Variants in ATP8A1 observed in about 807,000 individuals in gnomAD.
ATP8A1 encodes the protein phospholipid-transporting ATPase IA.
ATP8A1 carries 90 observed loss-of-function variants against 177.7 expected under a neutral mutation model. That is an observed-to-expected ratio of 0.51 (90% confidence interval 0.43 to 0.60). The LOEUF (loss-of-function observed/expected upper bound fraction) is 0.60, where lower values mean the gene tolerates loss of function less well. ATP8A1 is among the 20% of genes least tolerant of loss of function. The pLI, the probability that ATP8A1 is intolerant of heterozygous loss-of-function variation, is 0.00. For missense variants in ATP8A1, 1,072 were observed against 1,392.8 expected (o/e 0.77, Z 3.67); for synonymous variants, 493 against 485.9 (o/e 1.01, Z -0.19).
chr4:42,442,388 C>T (rs1325892189), intron 33 of ATP8A1, among the ~76,000 whole-genome samples: 2 of 152,042 alleles, frequency 1.3e-5, no homozygotes, highest in Non-Finnish European at 2.9e-5. Context: ...TTTTTTCCTT[C>T]AGTTGTATTC....
At chr4:42,482,556 G>C (rs1721800895) in intron 25 of ATP8A1, among the ~76,000 whole-genome samples, 1 of 152,178 alleles carries the variant, frequency 6.6e-6, no homozygotes. Flanking sequence ...TGGTGAGAGA[G>C]ACATAATGTC....
intron 20 of ATP8A1, among the ~76,000 whole-genome samples, chr4:42,531,233 A>T (rs1392556639): frequency 6.6e-6 from 1 of 152,224 alleles, no homozygotes; most frequent in Non-Finnish European, 1.5e-5. Context: ...ACAACAGCCC[A>T]ATCCAGGCAG....
At chr4:42,639,380 G>T (rs1404240051) in intron 1 of ATP8A1, among the ~76,000 whole-genome samples, 2 of 152,154 alleles carry the variant, frequency 1.3e-5, no homozygotes, top group African/African-American at 4.8e-5. Context: ...AAGAATTGAT[G>T]AGATGAGCCT....
intron 27 of ATP8A1, among the ~76,000 whole-genome samples, chr4:42,464,053 G>C (rs534851686): frequency 1.3e-5 from 2 of 152,146 alleles, no homozygotes; most frequent in African/African-American, 4.8e-5. Flanking sequence ...CTACATGTGT[G>C]TTATCCCTCC....
At chr4:42,545,905 C>T (rs543605898) in intron 19 of ATP8A1, among the ~76,000 whole-genome samples, 31 of 152,106 alleles carry the variant, frequency 2.0e-4, no homozygotes, top group African/African-American at 3.4e-4. Flanking sequence ...ACCTGGGAGG[C>T]GGAGGTTGCA....
intron 24 of ATP8A1, among the ~76,000 whole-genome samples, chr4:42,493,652 T>C (rs1256590336): frequency 6.6e-6 from 1 of 152,192 alleles, no homozygotes; most frequent in African/African-American, 2.4e-5. Context: ...TGTGTGGTAT[T>C]GGAAAGGTTT....
chr4:42,482,772 C>G (rs1721826772), intron 25 of ATP8A1, among the ~76,000 whole-genome samples: 1 of 152,146 alleles, frequency 6.6e-6, no homozygotes, highest in African/African-American at 2.4e-5. Flanking sequence ...GGAAGGCTTT[C>G]CCCTCTACTT....
chr4:42,623,778 T>C (rs1008950253), intron 4 of ATP8A1, among the ~76,000 whole-genome samples: 3 of 152,082 alleles, frequency 2.0e-5, no homozygotes, highest in Non-Finnish European at 4.4e-5. Context: ...GCCTGGGTGA[T>C]GAAATAATCT....
chr4:42,453,744 G>A (rs997705250), intron 29 of ATP8A1, among the ~76,000 whole-genome samples: 6 of 152,122 alleles, frequency 3.9e-5, no homozygotes, highest in Non-Finnish European at 1.5e-5. Flanking sequence ...CAGTACCATG[G>A]AGCCCACACT....
chr4:42,480,042 G>A (rs944624062), intron 25 of ATP8A1, among the ~76,000 whole-genome samples: 5 of 137,688 alleles, frequency 3.6e-5, no homozygotes, highest in African/African-American at 1.3e-4. Flanking sequence ...ACTGGTGATG[G>A]TGGCAATGGT....
intron 10 of ATP8A1, 119 bp from the exon 11 acceptor site, chr4:42,580,097 G>T (rs971565002): frequency 6.6e-5 from 45 of 686,910 alleles, no homozygotes; most frequent in Non-Finnish European, 9.2e-5. Context: ...GGGTGGATAC[G>T]TGAAAATTAT....
At chr4:42,435,146 C>T (rs1401543178) in intron 33 of ATP8A1, among the ~76,000 whole-genome samples, 1 of 152,206 alleles carries the variant, frequency 6.6e-6, no homozygotes, top group East Asian at 1.9e-4. Context: ...GTCCAGTTGG[C>T]TGGGCGTGGT....
At chr4:42,602,703 A>G (rs1184332434) in intron 5 of ATP8A1, among the ~76,000 whole-genome samples, 1 of 152,124 alleles carries the variant, frequency 6.6e-6, no homozygotes, top group African/African-American at 2.4e-5. Flanking sequence ...CGCGAGGGGG[A>G]GGTTGCAGTG....
intron 1 of ATP8A1, among the ~76,000 whole-genome samples, chr4:42,647,375 G>A (rs964124226): frequency 6.6e-6 from 1 of 152,060 alleles, no homozygotes; most frequent in African/African-American, 2.4e-5. Flanking sequence ...GTCACATGTA[G>A]CTACTGAGCA....
chr4:42,500,365 AAAAACAAAACAAAACAAAAC>A lies in ATP8A1; in HGVS notation c.2151+3065_2151+3084del, dbSNP rs142164207. Among the ~76,000 whole-genome samples the A allele has an allele frequency of 2.1e-3, 316 of 149,424 alleles. 1 individual carries two copies. Among genetic ancestry groups the A allele is most frequent in the African/African-American group, 6.8e-3 (275 of 40,342 alleles). On this transcript the variant is annotated intron_variant, in intron 24 of 36. Coordinates refer to ENST00000381668, the MANE Select transcript of ATP8A1 (RefSeq NM_006095.2). Reference sequence around the variant, plus strand: ...GGGTGACACAGCGAGACTCGGTCTCAAAAACAAAACAAAACAAAACAAAACAAAACAAAACAAAACAAAAC... The same window carrying A: ...GGGTGACACAGCGAGACTCGGTCTCAAAAACAAAACAAAACAAAACAAAAC...
chr4:42,564,894 G>A (rs1483508864), intron 15 of ATP8A1, among the ~76,000 whole-genome samples: 2 of 149,872 alleles, frequency 1.3e-5, no homozygotes, highest in East Asian at 3.8e-4. Flanking sequence ...CGTGTTATAG[G>A]AGGGACCTGG....
chr4:42,590,857 T>C lies in ATP8A1; in HGVS notation c.478A>G (p.Thr160Ala). The change falls in exon 7 of 37, where the codon ACC (threonine) becomes GCC (alanine). Residue 160 changes from threonine to alanine, a missense_variant. Transcript: ENST00000381668. ...KVAVGEIVKV[T>A]NGEHLPADLI... Reference sequence around the variant, plus strand: ...TCTGCTGGGAGATGTTCCCCATTGGTCACTTTCACTATCTCCCCTACTGCC... The same window carrying C: ...TCTGCTGGGAGATGTTCCCCATTGGCCACTTTCACTATCTCCCCTACTGCC... 1 of 1,612,966 alleles carries C rather than the reference T, an allele frequency of 6.2e-7. No homozygotes were observed.
At chr4:42,528,359 TAC>T (rs1258754040) in intron 20 of ATP8A1, among the ~76,000 whole-genome samples, 1 of 151,986 alleles carries the variant, frequency 6.6e-6, no homozygotes, top group Non-Finnish European at 1.5e-5. Context: ...CTGGAGGGAT[TAC>T]AGAGATTAGT....
At chr4:42,580,963 A>AC (rs1354864375) in intron 10 of ATP8A1, among the ~76,000 whole-genome samples, 15 of 152,222 alleles carry the variant, frequency 9.9e-5, no homozygotes, top group African/African-American at 3.6e-4. Context: ...TATTGCATTA[A>AC]AATTACAAGA....
Sources: gnomAD v4.1 joint callset for allele counts (sites outside exome capture counted in the v4.1 genomes callset) on GRCh38, gnomAD v4.1.1 for gene constraint, MANE v1.5 for transcripts, NCBI Gene and HGNC (gene_info 2026-07-23, HGNC 2026-07-21) for gene names.